The following B3GLCT variants were observed in gnomAD, a reference collection of about 807,000 sequenced individuals.
B3GLCT encodes beta-1,3-glucosyltransferase.
B3GLCT carries 65 observed loss-of-function variants against 63.4 expected under a neutral mutation model. That is an observed-to-expected ratio of 1.03 (90% confidence interval 0.84 to 1.26). B3GLCT has a LOEUF of 1.26. Among genes scored for constraint, B3GLCT ranks in the 50% most tolerant of loss-of-function variants. The pLI is 0.00. For missense variants in B3GLCT, 577 were observed against 604.8 expected (o/e 0.95, Z 0.48); for synonymous variants, 233 against 219.2 (o/e 1.06, Z -0.55).
intron 13 of B3GLCT, among the ~76,000 whole-genome samples, chr13:31,323,295 T>A (rs1318749487): frequency 2.0e-5 from 3 of 152,226 alleles, no homozygotes; most frequent in Admixed American, 2.0e-4. Context: ...TCTCACTTGT[T>A]TGATGCATCA....
chr13:31,216,459 G>A (rs1036710554), intron 2 of B3GLCT, among the ~76,000 whole-genome samples: 1 of 151,366 alleles, frequency 6.6e-6, no homozygotes, highest in Non-Finnish European at 1.5e-5. Context: ...TTTTCAACTT[G>A]TGTTTTAGGT....
intron 13 of B3GLCT, among the ~76,000 whole-genome samples, chr13:31,319,593 A>T (rs1353087702): frequency 6.6e-6 from 1 of 151,998 alleles, no homozygotes; most frequent in East Asian, 1.9e-4. Flanking sequence ...ATTCCTTCTC[A>T]GTTGTTTCTG....
At chr13:31,224,810 T>G (rs1301341137) in intron 3 of B3GLCT, among the ~76,000 whole-genome samples, 1 of 152,174 alleles carries the variant, frequency 6.6e-6, no homozygotes, top group Non-Finnish European at 1.5e-5. Flanking sequence ...ATATCAGAAG[T>G]ACATCGTATT....
chr13:31,254,567 C>A (rs1341962122), intron 6 of B3GLCT, among the ~76,000 whole-genome samples: 1 of 152,122 alleles, frequency 6.6e-6, no homozygotes, highest in East Asian at 1.9e-4. Context: ...ACTGAATGGG[C>A]AAAAACTGGA....
chr13:31,320,204 G>A (rs1875265969), intron 13 of B3GLCT, among the ~76,000 whole-genome samples: 1 of 152,176 alleles, frequency 6.6e-6, no homozygotes, highest in Non-Finnish European at 1.5e-5. Flanking sequence ...GCTTCTCATT[G>A]TCTTTTCTCC....
At chr13:31,246,951 C>CTTTTTTTTTTTTTTTTCTTTTTT in intron 4 of B3GLCT, 72 bp from the exon 5 acceptor site, 1 of 778,770 alleles carries the variant, frequency 1.3e-6, no homozygotes, top group Middle Eastern at 2.9e-4. Flanking sequence ...CTTTTCTTTT[C>CTTTTTTTTTTTTTTTTCTTTTTT]TTTTTTTTTT....
In B3GLCT at chr13:31,289,715, AG is replaced by A. The variant is rs541861294; in HGVS notation, c.1064+2898del. 2.0e-5 allele frequency among the ~76,000 whole-genome samples: 3 copies of A among 152,338 alleles called. No homozygotes were observed. In the South Asian group the frequency reaches 6.2e-4, roughly 32 times the overall value. ...ATCTTTCCCAGACAAGGAAATGCTG[AG>A]GAAATTTGTCACCACTAGGTAGGGA... On this transcript the variant is annotated intron_variant, in intron 12 of 14. Coordinates refer to ENST00000343307, the MANE Select transcript of B3GLCT (RefSeq NM_194318.4).
At chr13:31,325,992 C>T (rs1247585325) in intron 14 of B3GLCT, among the ~76,000 whole-genome samples, 1 of 152,128 alleles carries the variant, frequency 6.6e-6, no homozygotes, top group Non-Finnish European at 1.5e-5. Context: ...AAGCACAGCA[C>T]CTAGAGCATA....
chr13:31,316,166 C>T (rs1593317112), intron 12 of B3GLCT, among the ~76,000 whole-genome samples: 1 of 151,962 alleles, frequency 6.6e-6, no homozygotes, highest in Non-Finnish European at 1.5e-5. Flanking sequence ...CACTGGGACA[C>T]TGCCTAGTGG....
chr13:31,213,832 T>A (rs971594794), intron 1 of B3GLCT, among the ~76,000 whole-genome samples: 4 of 152,110 alleles, frequency 2.6e-5, no homozygotes, highest in Non-Finnish European at 5.9e-5. Flanking sequence ...AGGCCTTGTA[T>A]AATGTCTACT....
intron 1 of B3GLCT, among the ~76,000 whole-genome samples, chr13:31,205,874 AC>A (rs1328087773): frequency 6.6e-6 from 1 of 152,244 alleles, no homozygotes; most frequent in Non-Finnish European, 1.5e-5. Flanking sequence ...AAAAACAAAA[AC>A]AAGTATAAGT....
chr13:31,259,298 G>A (rs1325623497), intron 6 of B3GLCT, among the ~76,000 whole-genome samples: 1 of 152,044 alleles, frequency 6.6e-6, no homozygotes, highest in Non-Finnish European at 1.5e-5. Context: ...GGTGAGTTTG[G>A]CTAAATCTCA....
At chr13:31,236,121 T>C (rs1870633870) in intron 4 of B3GLCT, among the ~76,000 whole-genome samples, 1 of 152,188 alleles carries the variant, frequency 6.6e-6, no homozygotes, top group South Asian at 2.1e-4. Context: ...GCCTTCAGGC[T>C]CCAGAGGGAG....
chr13:31,247,401 G>A (rs1468480858), intron 5 of B3GLCT, among the ~76,000 whole-genome samples: 5 of 151,972 alleles, frequency 3.3e-5, no homozygotes, highest in Admixed American at 1.3e-4. Context: ...TCAGCCTCCC[G>A]AGTAGCTGTG....
In B3GLCT at chr13:31,308,359, A is replaced by C. The variant is rs1329090621; in HGVS notation, c.1065-9207A>C. Among the ~76,000 whole-genome samples, 51 of 29,086 alleles carry C rather than the reference A, an allele frequency of 1.8e-3. 4 individuals are homozygous for C. Among genetic ancestry groups the C allele is most frequent in the African/African-American group, 2.6e-3 (48 of 18,546 alleles). 19.1% of individuals were successfully genotyped at this position (29,086 alleles called of 152,430 possible). A position where few individuals can be genotyped will look rare whatever the true frequency, so the allele number is the denominator to read the frequency against. On this transcript the variant is annotated intron_variant, in intron 12 of 14. Coordinates refer to ENST00000343307, the MANE Select transcript of B3GLCT (RefSeq NM_194318.4). ...AAAAAAAAAAAATTAAAAAAAAAAA[A>C]ACAAAAAAAAAAGCTAGTCCCACAT...
In B3GLCT at chr13:31,203,115, C is replaced by T. The variant is rs556884855; in HGVS notation, c.70+2961C>T. On this transcript the variant is annotated intron_variant, in intron 1 of 14. Transcript: ENST00000343307. ...CCAACTTTGTATTTCTTAGCACCTG[C>T]CAAAATTGGGGATGGTTTTTCATTC... Among the ~76,000 whole-genome samples the T allele has an allele frequency of 7.9e-5, 12 of 152,242 alleles. No homozygotes were observed. The East Asian group carries it at 2.3e-3, about 29-fold the overall frequency.
At chr13:31,324,900 T>A (rs1875531198) in intron 14 of B3GLCT, among the ~76,000 whole-genome samples, 1 of 151,880 alleles carries the variant, frequency 6.6e-6, no homozygotes, top group South Asian at 2.1e-4. Flanking sequence ...GAGATGGGGG[T>A]CTTACTATGT....
In B3GLCT at chr13:31,298,779, G is replaced by C. The variant is rs539432755; in HGVS notation, c.1064+11960G>C. Among the ~76,000 whole-genome samples the C allele has an allele frequency of 1.8e-4, 27 of 152,350 alleles. 1 individual carries two copies. In the South Asian group the frequency reaches 2.9e-3, roughly 16 times the overall value. ...TAGGGTAAAGTTATGTAGGTGCAAAGCTAGTGGGTTATTTTTACCACCAGG... is the reference window on the plus strand; with the variant it reads ...TAGGGTAAAGTTATGTAGGTGCAAACCTAGTGGGTTATTTTTACCACCAGG... On this transcript the variant is annotated intron_variant, in intron 12 of 14. Coordinates refer to ENST00000343307, the MANE Select transcript of B3GLCT (RefSeq NM_194318.4).
At chr13:31,286,505 A>T (rs1327669321) in intron 11 of B3GLCT, among the ~76,000 whole-genome samples, 2 of 152,184 alleles carry the variant, frequency 1.3e-5, no homozygotes, top group Non-Finnish European at 2.9e-5. Flanking sequence ...TCCTTGTGTG[A>T]GAAATGAATG....
Sources: allele counts gnomAD v4.1 joint callset (sites outside exome capture counted in the v4.1 genomes callset), GRCh38; gene constraint gnomAD v4.1.1; transcripts MANE v1.5; gene names NCBI Gene and HGNC (gene_info 2026-07-23, HGNC 2026-07-21).